Variants in DPP4 observed in about 807,000 individuals in gnomAD.
DPP4 encodes the protein dipeptidyl peptidase 4.
Under a neutral mutation model 122.4 loss-of-function variants are expected in DPP4, and 93 were observed. That is an observed-to-expected ratio of 0.76 (90% CI 0.64 to 0.90). The LOEUF (loss-of-function observed/expected upper bound fraction) is 0.90. Among genes scored for constraint, DPP4 ranks in the 40% least tolerant of loss-of-function variants. The pLI, the probability that DPP4 is intolerant of heterozygous loss-of-function variation, is 0.00. For missense variants in DPP4, 914 were observed against 907.3 expected, an observed-to-expected ratio of 1.01 and a Z score of -0.09; for synonymous variants, 321 against 302.9, an observed-to-expected ratio of 1.06 and a Z score of -0.62.
chr2:162,017,112 A>G lies in DPP4; in HGVS notation c.1464T>C (p.Asp488=). ...GAGTAAAATATGAGAAAATACCTTT[A>G]TCATTCACGCTGCTGTGTAGAGTAT... is the stretch of plus-strand genomic sequence containing the variant. ...PLYTLHSSVN[D]KGLRVLEDNS... Residue 488 remains aspartate, a synonymous_variant, in exon 17 of 26, where the codon GAT becomes GAC. Coordinates refer to ENST00000360534, the MANE Select transcript of DPP4 (RefSeq NM_001935.4). 1.2e-6 allele frequency: 2 copies of G among 1,611,916 alleles called. No individual in the cohort carries two copies. Among genetic ancestry groups the G allele is most frequent in the South Asian group, 1.1e-5 (1 of 90,842 alleles).
At chr2:162,057,107 C>G (rs962505611) in intron 2 of DPP4, among the ~76,000 whole-genome samples, 19 of 151,516 alleles carry the variant, frequency 1.3e-4, no homozygotes, top group African/African-American at 4.7e-4. Context: ...CCTTAAAAAC[C>G]CTAACCTCCA....
At chr2:162,054,208 A>G (rs534865129) in intron 2 of DPP4, among the ~76,000 whole-genome samples, 51 of 152,162 alleles carry the variant, frequency 3.4e-4, no homozygotes, top group Non-Finnish European at 5.9e-4. Context: ...TCCCATTTGG[A>G]ATGGAAATAT....
chr2:162,016,749 C>T lies in DPP4; in HGVS notation c.1567+19G>A. ...TGGTGTTTCCATGAAAAGTACTATT[C>T]CAAAGGAATTTAACTTACTTGTTTC... On this transcript the variant is annotated intron_variant, in intron 18 of 25. Coordinates refer to ENST00000360534, the MANE Select transcript of DPP4 (RefSeq NM_001935.4). 6.3e-7 allele frequency: 1 copy of T among 1,583,286 alleles called. No homozygotes were observed. Among genetic ancestry groups the T allele is most frequent in the Non-Finnish European group, 8.6e-7 (1 of 1,158,636 alleles).
At chr2:162,016,557 T>A (rs1012551462) in intron 18 of DPP4, among the ~76,000 whole-genome samples, 11 of 152,234 alleles carry the variant, frequency 7.2e-5, no homozygotes, top group African/African-American at 2.7e-4. Context: ...CCTTCCTTTT[T>A]GACAGAATAA....
chr2:162,049,391 G>T (rs1438962289), intron 2 of DPP4, among the ~76,000 whole-genome samples: 3 of 150,496 alleles, frequency 2.0e-5, no homozygotes, highest in African/African-American at 7.3e-5. Flanking sequence ...AAAACCAAAT[G>T]CCACATATTC....
intron 19 of DPP4, among the ~76,000 whole-genome samples, chr2:162,013,000 A>C (rs1186547161): frequency 6.6e-6 from 1 of 152,132 alleles, no homozygotes; most frequent in Non-Finnish European, 1.5e-5. Flanking sequence ...GCATTTCTTG[A>C]GCTAGCAAAT....
chr2:162,017,226 C>A, intron 16 of DPP4, 71 bp from the exon 17 acceptor site: 1 of 1,291,752 alleles, frequency 7.7e-7, no homozygotes, highest in Non-Finnish European at 1.1e-6. Flanking sequence ...GATGACTTTT[C>A]AAAAATACCA....
rs530184514 is a variant in DPP4 at position 162,066,079 on chromosome 2, G to C, written c.94+7320C>G. Among the ~76,000 whole-genome samples, 3 of 152,282 alleles carry C rather than the reference G, an allele frequency of 2.0e-5. No homozygotes were observed. In the East Asian group the frequency reaches 5.8e-4, roughly 29 times the overall value. On this transcript the variant is annotated intron_variant, in intron 2 of 25. Coordinates refer to ENST00000360534, the MANE Select transcript of DPP4 (RefSeq NM_001935.4). ...CCAATAGGAAAGGGGAGTTAAGCCA[G>C]AGGAACCTCTGCAGACAAGCTCTGA...
At chr2:162,019,752 A>C (rs1355548431) in intron 14 of DPP4, among the ~76,000 whole-genome samples, 1 of 152,174 alleles carries the variant, frequency 6.6e-6, no homozygotes, top group Non-Finnish European at 1.5e-5. Flanking sequence ...GATTAGACCA[A>C]TAAAGAATCA....
At chr2:162,054,596 TG>T (rs1252148252) in intron 2 of DPP4, among the ~76,000 whole-genome samples, 2 of 152,178 alleles carry the variant, frequency 1.3e-5, no homozygotes, top group Non-Finnish European at 2.9e-5. Flanking sequence ...CACTCATGAA[TG>T]GTTAGGTGCC....
chr2:162,010,189 A>T (rs565851171), intron 20 of DPP4, among the ~76,000 whole-genome samples: 66 of 152,318 alleles, frequency 4.3e-4, no homozygotes, highest in Non-Finnish European at 7.5e-4. Flanking sequence ...TGAAGGAGGC[A>T]GACATACAGC....
chr2:162,034,809 G>A lies in DPP4; in HGVS notation c.774+355C>T, dbSNP rs574528219. On this transcript the variant is annotated intron_variant, in intron 9 of 25. Coordinates refer to ENST00000360534, the MANE Select transcript of DPP4 (RefSeq NM_001935.4). ...ATATATAACTGAGCTTTGCAACTTC[G>A]TCGAGGGCACAATCCAACTTCTACA... Among the ~76,000 whole-genome samples the A allele has an allele frequency of 8.5e-5, 13 of 152,176 alleles. No homozygotes were observed. The South Asian group carries it at 1.2e-3, about 15-fold the overall frequency.
intron 2 of DPP4, among the ~76,000 whole-genome samples, chr2:162,059,246 AT>A (rs71969682): frequency 0.026 from 3,937 of 149,058 alleles, 67 homozygotes; most frequent in African/African-American, 0.052. Flanking sequence ...TCTGAAATGA[AT>A]TTTTTTTTTT....
intron 5 of DPP4, among the ~76,000 whole-genome samples, chr2:162,042,875 G>T (rs887763541): frequency 6.6e-6 from 1 of 152,154 alleles, no homozygotes; most frequent in African/African-American, 2.4e-5. Flanking sequence ...AAACTAAAAT[G>T]GGTTAACGTG....
intron 17 of DPP4, 101 bp from the exon 18 acceptor site, chr2:162,016,967 A>C: frequency 1.6e-5 from 23 of 1,408,312 alleles, no homozygotes; most frequent in Non-Finnish European, 2.3e-5. Context: ...ATCGGACTAC[A>C]CATACTTCAG....
rs1683897150 is a variant in DPP4, at chr2:162,039,113, T to C, written c.419+19A>G. On this transcript the variant is annotated intron_variant, in intron 6 of 25. Transcript: ENST00000360534. ...TGACAGTAGGAAAGCCTAATAGATT[T>C]TATTGGGAAGTCACTGACCTTTTAT... The C allele has an allele frequency of 4.6e-5, 74 of 1,612,222 alleles. No homozygotes were observed. Among genetic ancestry groups the C allele is most frequent in the Non-Finnish European group, 6.3e-5 (74 of 1,178,614 alleles).
At chr2:162,067,060 AAT>A (rs1684971900) in intron 2 of DPP4, among the ~76,000 whole-genome samples, 1 of 152,268 alleles carries the variant, frequency 6.6e-6, no homozygotes, top group Admixed American at 6.5e-5. Flanking sequence ...GTAAGCATTC[AAT>A]ATATGTTTTT....
intron 16 of DPP4, among the ~76,000 whole-genome samples, chr2:162,018,412 C>T (rs11677330): frequency 0.017 from 2,567 of 152,316 alleles, 25 homozygotes; most frequent in Middle Eastern, 0.027. Flanking sequence ...CATACATTTT[C>T]TCATTGAAAG....
intron 10 of DPP4, among the ~76,000 whole-genome samples, chr2:162,030,753 G>A (rs545687743): frequency 1.5e-4 from 23 of 152,160 alleles, no homozygotes; most frequent in Non-Finnish European, 1.3e-4. Flanking sequence ...CCTTACCAGC[G>A]TTAACAGAGA....
Sources: gnomAD v4.1 joint callset for allele counts (sites outside exome capture counted in the v4.1 genomes callset) on GRCh38, gnomAD v4.1.1 for gene constraint, MANE v1.5 for transcripts, NCBI Gene and HGNC (gene_info 2026-07-23, HGNC 2026-07-21) for gene names.